CFAP299: variants seen among roughly 807,000 people sequenced by gnomAD.
CFAP299 encodes the protein cilia- and flagella-associated protein 299.
CFAP299 carries 21 observed loss-of-function variants against 27.0 expected under a neutral mutation model. That is an observed-to-expected ratio of 0.78 (90% confidence interval 0.55 to 1.12). CFAP299 has a LOEUF of 1.12. Ranked by LOEUF, CFAP299 falls within the 50% of genes most tolerant of loss-of-function variation. CFAP299 has a pLI of 0.00. For synonymous variants in CFAP299, 104 were observed against 98.1 expected (o/e 1.06, Z -0.36); for missense variants, 310 against 276.6 (o/e 1.12, Z -0.86).
At position 80,765,580 on chromosome 4, in the gene CFAP299, C is replaced by T. The variant is rs115485408; in HGVS notation, c.334-104413C>T. Among the ~76,000 whole-genome samples, 1,378 of 151,330 alleles carry T rather than the reference C, an allele frequency of 9.1e-3. 20 individuals carry two copies. Among genetic ancestry groups the T allele is most frequent in the African/African-American group, 0.031 (1,268 of 41,310 alleles). On this transcript the variant is annotated intron_variant, in intron 3 of 5. Coordinates refer to ENST00000358105, the MANE Select transcript of CFAP299 (RefSeq NM_152770.3). The stretch of plus-strand genomic sequence containing the variant: ...GGTATAAAAATAAAAAGAATTGGAC[C>T]CTTAGAAATAATAAGATGCTATAAA...
intron 3 of CFAP299, among the ~76,000 whole-genome samples, chr4:80,799,618 A>T (rs868702364): frequency 4.0e-4 from 13 of 32,386 alleles, no homozygotes; most frequent in African/African-American, 1.4e-3. Context: ...TATATTATAT[A>T]TTTATAAATA....
At chr4:80,540,170 GT>G (rs1329976173) in intron 2 of CFAP299, among the ~76,000 whole-genome samples, 4 of 152,162 alleles carry the variant, frequency 2.6e-5, no homozygotes, top group African/African-American at 9.7e-5. Context: ...TCCTTAAGGT[GT>G]TTCAATAAGT....
At chr4:80,327,406 A>G in the CFAP299 span, among the ~76,000 whole-genome samples, 1 of 152,032 alleles carries the variant, frequency 6.6e-6, no homozygotes, top group Non-Finnish European at 1.5e-5. Flanking sequence ...AGGGCTTCAT[A>G]AGCCAAGGGA....
intron 3 of CFAP299, among the ~76,000 whole-genome samples, chr4:80,779,134 AGCT>A (rs1478325985): frequency 3.3e-5 from 5 of 152,124 alleles, no homozygotes; most frequent in East Asian, 1.9e-4. Context: ...AAAGTTAAGT[AGCT>A]CACCCTTGTA....
intron 2 of CFAP299, among the ~76,000 whole-genome samples, chr4:80,540,167 G>C (rs931542999): frequency 6.6e-6 from 1 of 152,060 alleles, no homozygotes. Context: ...AACTCCTTAA[G>C]GTGTTTCAAT....
At chr4:80,395,356 T>C (rs193084210) in intron 2 of CFAP299, among the ~76,000 whole-genome samples, 10 of 152,220 alleles carry the variant, frequency 6.6e-5, no homozygotes, top group Non-Finnish European at 1.3e-4. Flanking sequence ...GCTCTACTTT[T>C]TATTTTCTGA....
Position 80,870,071 on chromosome 4 carries a change from A to G in CFAP299, c.412A>G (p.Thr138Ala). ...CATCGACTATGCCCACAGGCTAAAG[A>G]CGGAAGATTTTGAAGTCTACTTTAC... ...GYIDYAHRLK[T>A]EDFEVYFTGK... The change falls in exon 4 of 6, where the codon ACG (threonine) becomes GCG (alanine). Residue 138 changes from threonine to alanine, a missense_variant. Transcript: ENST00000358105. The G allele has an allele frequency of 6.2e-7, 1 of 1,613,876 alleles. No individual in the cohort carries two copies. Among genetic ancestry groups the G allele is most frequent in the Non-Finnish European group, 8.5e-7 (1 of 1,179,858 alleles).
At chr4:80,659,621 CAGTT>C (rs1309596971) in intron 3 of CFAP299, among the ~76,000 whole-genome samples, 4 of 151,820 alleles carry the variant, frequency 2.6e-5, no homozygotes, top group African/African-American at 9.7e-5. Context: ...GGGAAAAAAA[CAGTT>C]TGTTAATATC....
At chr4:80,767,347 C>T (rs1387242586) in intron 3 of CFAP299, among the ~76,000 whole-genome samples, 1 of 152,130 alleles carries the variant, frequency 6.6e-6, no homozygotes, top group Non-Finnish European at 1.5e-5. Flanking sequence ...CGGTGGCTCA[C>T]GCCTGTAATC....
intron 3 of CFAP299, among the ~76,000 whole-genome samples, chr4:80,749,805 C>T (rs560304161): frequency 4.5e-4 from 68 of 152,302 alleles, no homozygotes; most frequent in East Asian, 2.9e-3. Context: ...ATAGTGCCTA[C>T]GCAGATTGAG....
chr4:80,489,905 C>G (rs1178661869), intron 2 of CFAP299, among the ~76,000 whole-genome samples: 1 of 140,148 alleles, frequency 7.1e-6, no homozygotes, highest in Non-Finnish European at 1.5e-5. Flanking sequence ...CATAGAATTT[C>G]CTGTTTTGAA....
chr4:80,896,379 G>A (rs964599203), intron 4 of CFAP299, among the ~76,000 whole-genome samples: 7 of 152,002 alleles, frequency 4.6e-5, no homozygotes, highest in Non-Finnish European at 8.8e-5. Context: ...TTTGTTTGAG[G>A]GCAGTATTGT....
intron 3 of CFAP299, among the ~76,000 whole-genome samples, chr4:80,590,452 C>T (rs909117354): frequency 6.6e-6 from 1 of 152,210 alleles, no homozygotes; most frequent in Non-Finnish European, 1.5e-5. Context: ...GCCTGACCAA[C>T]ATGGTGAAAC....
rs114051658 is a variant in CFAP299, at chr4:80,460,687, A to T, written c.242+97803A>T. On this transcript the variant is annotated intron_variant, in intron 2 of 5. Coordinates refer to ENST00000358105, the MANE Select transcript of CFAP299 (RefSeq NM_152770.3). The stretch of plus-strand genomic sequence containing the variant: ...TAAGTTTGTTAGTGTAGCTAGTGTT[A>T]TTGTAACCAAAGATAAATCCAATTC... Among the ~76,000 whole-genome samples the T allele has an allele frequency of 6.5e-3, 993 of 152,270 alleles. 24 individuals carry two copies. Among genetic ancestry groups the T allele is most frequent in the African/African-American group, 0.023 (956 of 41,546 alleles).
intron 3 of CFAP299, among the ~76,000 whole-genome samples, chr4:80,801,857 C>G (rs1364124240): frequency 6.6e-6 from 1 of 152,124 alleles, no homozygotes; most frequent in Non-Finnish European, 1.5e-5. Context: ...ACTCTGCTTT[C>G]TCACATTCAA....
At chr4:80,956,409 T>G (rs553336503) in intron 5 of CFAP299, among the ~76,000 whole-genome samples, 10 of 152,212 alleles carry the variant, frequency 6.6e-5, no homozygotes, top group Admixed American at 2.0e-4. Flanking sequence ...TGAAAATTTA[T>G]TTTATATGCA....
intron 2 of CFAP299, among the ~76,000 whole-genome samples, chr4:80,460,949 A>G (rs931580473): frequency 1.3e-5 from 2 of 152,204 alleles, no homozygotes; most frequent in African/African-American, 4.8e-5. Context: ...GCTTGATTTT[A>G]TACATTTTAG....
intron 3 of CFAP299, among the ~76,000 whole-genome samples, chr4:80,641,949 C>A (rs1166406871): frequency 6.6e-6 from 1 of 152,172 alleles, no homozygotes; most frequent in Admixed American, 6.6e-5. Flanking sequence ...ATCGGTGACA[C>A]TGTTGCATGA....
chr4:80,647,273 G>A (rs1740072904), intron 3 of CFAP299, among the ~76,000 whole-genome samples: 1 of 152,118 alleles, frequency 6.6e-6, no homozygotes, highest in Non-Finnish European at 1.5e-5. Flanking sequence ...GAAGATTTCA[G>A]TATACTTCAT....
Sources: gnomAD v4.1 joint callset for allele counts (sites outside exome capture counted in the v4.1 genomes callset) on GRCh38, gnomAD v4.1.1 for gene constraint, MANE v1.5 for transcripts, NCBI Gene and HGNC (gene_info 2026-07-23, HGNC 2026-07-21) for gene names.